Variants in SLC7A14 observed in about 807,000 individuals in gnomAD.
The protein encoded by SLC7A14 is gamma-aminobutyric acid transporter SLC7A14.
In SLC7A14, 37 loss-of-function variants were observed where a neutral mutation model predicts 60.2. The observed-to-expected ratio is 0.61, with a 90% CI of 0.47 to 0.81. The LOEUF (loss-of-function observed/expected upper bound fraction) is 0.81, where lower values mean the gene tolerates loss of function less well. SLC7A14 is among the 30% of genes least tolerant of loss of function. SLC7A14 has a pLI of 0.00. For missense variants in SLC7A14, 886 were observed against 982.7 expected (o/e 0.90, Z 1.32); for synonymous variants, 399 against 395.8 (o/e 1.01, Z -0.10).
chr3:170,546,473 T>C lies in SLC7A14; in HGVS notation c.-152-19385A>G, dbSNP rs147173525. Among the ~76,000 whole-genome samples the C allele has an allele frequency of 2.4e-3, 368 of 152,326 alleles. 2 individuals carry two copies. Among genetic ancestry groups the C allele is most frequent in the Middle Eastern group, 0.01 (3 of 294 alleles). ...GTACTTAAACTATCCAGAACCTTGA[T>C]ATAGTGTTTCCATTTCCACTGACTT... is the stretch of plus-strand genomic sequence containing the variant. On this transcript the variant is annotated intron_variant, in intron 1 of 7. Coordinates refer to ENST00000231706, the MANE Select transcript of SLC7A14 (RefSeq NM_020949.3).
chr3:170,506,459 G>A (rs1256928030), intron 2 of SLC7A14, among the ~76,000 whole-genome samples: 1 of 152,158 alleles, frequency 6.6e-6, no homozygotes, highest in Non-Finnish European at 1.5e-5. Context: ...AAGGTACCGG[G>A]AGATTCTCGA....
At position 170,535,705 on chromosome 3, in the gene SLC7A14, G is replaced by C. The variant is rs970661071; in HGVS notation, c.-152-8617C>G. On this transcript the variant is annotated intron_variant, in intron 1 of 7. Coordinates refer to ENST00000231706, the MANE Select transcript of SLC7A14 (RefSeq NM_020949.3). This position sits in a 1 kb window ranked among gnomAD's most constrained non-coding sequence, Gnocchi z 4.3. ...AGCTTCCCTTTGCCAGGTCACTGTG[G>C]GTTGGCTGTGGCTCCAGCCAGGTGG... Among the ~76,000 whole-genome samples the C allele has an allele frequency of 6.6e-6, 1 of 152,152 alleles. No homozygotes were observed. The highest frequency in any genetic ancestry group is 1.9e-4 in the East Asian group (1 of 5,176).
In SLC7A14 at chr3:170,555,925, GACA is replaced by G. The variant is rs558886704; in HGVS notation, c.-152-28840_-152-28838del. On this transcript the variant is annotated intron_variant, in intron 1 of 7. Transcript: ENST00000231706. Reference sequence around the variant, plus strand: ...AGTGAACTTGTTTGCATGTAAATCTGACAACATCTTTGATGTTTGCTTAGAAGA... The same window carrying G: ...AGTGAACTTGTTTGCATGTAAATCTGACATCTTTGATGTTTGCTTAGAAGA... Among the ~76,000 whole-genome samples the G allele has an allele frequency of 3.0e-3, 450 of 152,242 alleles. 4 individuals carry two copies. Among genetic ancestry groups the G allele is most frequent in the African/African-American group, 0.01 (426 of 41,560 alleles).
Position 170,526,622 on chromosome 3 carries a change from G to T in SLC7A14, c.304+11C>A, listed in dbSNP as rs754398700. 6.2e-7 allele frequency: 1 copy of T among 1,612,514 alleles called. No homozygotes were observed. Among genetic ancestry groups the T allele is most frequent in the African/African-American group, 1.3e-5 (1 of 74,904 alleles). On this transcript the variant is annotated intron_variant, in intron 2 of 7. Coordinates refer to ENST00000231706, the MANE Select transcript of SLC7A14 (RefSeq NM_020949.3). ...ACTTTCCACAGTACTTCCCTGCATG[G>T]AGACACTTACCTGATAATATGGATG...
chr3:170,513,716 A>G (rs1713060033), intron 2 of SLC7A14, among the ~76,000 whole-genome samples: 1 of 152,190 alleles, frequency 6.6e-6, no homozygotes, highest in South Asian at 2.1e-4. Flanking sequence ...GGACAAATGC[A>G]TTCGTTGGGT....
At chr3:170,547,756 G>T (rs1244787217) in intron 1 of SLC7A14, among the ~76,000 whole-genome samples, 2 of 152,156 alleles carry the variant, frequency 1.3e-5, no homozygotes, top group Non-Finnish European at 2.9e-5. Flanking sequence ...AAAACCTAAT[G>T]TATCAGCGAT....
rs923030014 is a variant in SLC7A14, at chr3:170,535,006, A to T, written c.-152-7918T>A. ...GAGATTGGTTACTGAGCGTTGAGAC[A>T]CCACGTTTCTCCTTCGATGCCCCAG... On this transcript the variant is annotated intron_variant, in intron 1 of 7. Coordinates refer to ENST00000231706, the MANE Select transcript of SLC7A14 (RefSeq NM_020949.3). The surrounding 1 kb of genome is among the most constrained non-coding windows in gnomAD (Gnocchi z 4.3). Among the ~76,000 whole-genome samples the T allele has an allele frequency of 2.6e-5, 4 of 152,206 alleles. No individual in the cohort carries two copies. The highest frequency in any genetic ancestry group is 5.9e-5 in the Non-Finnish European group (4 of 68,036).
In SLC7A14 at chr3:170,480,984, G is replaced by C; in HGVS notation, c.1298C>G (p.Pro433Arg). 1 of 1,614,068 alleles carries C rather than the reference G, an allele frequency of 6.2e-7. No individual in the cohort carries two copies. Among genetic ancestry groups the C allele is most frequent in the Non-Finnish European group, 8.5e-7 (1 of 1,180,024 alleles). Residue 433 changes from proline (P) to arginine (R), a missense_variant, in exon 7 of 8, where the codon CCT (proline) becomes CGT (arginine). Pro to Arg is a moderately radical substitution (Grantham distance 103). Coordinates refer to ENST00000231706, the MANE Select transcript of SLC7A14 (RefSeq NM_020949.3). Reference sequence around the variant, plus strand: ...GACAAAACCATCAATGTCACTCTCAGGTTGGTATCGAAGGAGCAAGACACA... The same window carrying C: ...GACAAAACCATCAATGTCACTCTCACGTTGGTATCGAAGGAGCAAGACACA... ...SVCVLLLRYQ[P>R]ESDIDGFVKF... is the part of the protein sequence containing the mutation.
rs75505938 is a variant in SLC7A14 at position 170,554,799 on chromosome 3, T to C, written c.-152-27711A>G. Among the ~76,000 whole-genome samples the C allele has an allele frequency of 1.3e-3, 193 of 152,350 alleles. 2 individuals are homozygous for C. Among genetic ancestry groups the C allele is most frequent in the Middle Eastern group, 6.8e-3 (2 of 294 alleles). On this transcript the variant is annotated intron_variant, in intron 1 of 7. Coordinates refer to ENST00000231706, the MANE Select transcript of SLC7A14 (RefSeq NM_020949.3). ...TTATTTGCCCTCATCTATTTTTCCT[T>C]ACTTATAGTCCCTTACTTGAAGATG... is the stretch of plus-strand genomic sequence containing the variant.
At chr3:170,563,712 C>T (rs376411745) in intron 1 of SLC7A14, among the ~76,000 whole-genome samples, 9 of 152,168 alleles carry the variant, frequency 5.9e-5, no homozygotes, top group South Asian at 4.1e-4. Flanking sequence ...TAAGCCACCG[C>T]GCCCGGCCCA....
intron 3 of SLC7A14, among the ~76,000 whole-genome samples, chr3:170,500,620 G>GA (rs957945706): frequency 2.0e-5 from 3 of 151,498 alleles, no homozygotes; most frequent in Non-Finnish European, 4.4e-5. Context: ...TTGAAATTTG[G>GA]AAAAAAAATC....
intron 7 of SLC7A14, among the ~76,000 whole-genome samples, chr3:170,476,443 C>T (rs1315899673): frequency 6.6e-6 from 1 of 152,182 alleles, no homozygotes; most frequent in Non-Finnish European, 1.5e-5. Context: ...CTGGCCAGCC[C>T]CACTCTGCAG....
intron 1 of SLC7A14, among the ~76,000 whole-genome samples, chr3:170,562,605 A>C (rs1577564739): frequency 6.6e-6 from 1 of 152,230 alleles, no homozygotes. Context: ...TTACTTGTGT[A>C]CTCATACCAC....
intron 1 of SLC7A14, among the ~76,000 whole-genome samples, chr3:170,562,934 T>A (rs1714693656): frequency 6.6e-6 from 1 of 152,076 alleles, no homozygotes; most frequent in Non-Finnish European, 1.5e-5. Flanking sequence ...CTAATTTTTG[T>A]ATTTTTTAGT....
At chr3:170,578,801 A>G (rs755609722) in intron 1 of SLC7A14, among the ~76,000 whole-genome samples, 5 of 152,344 alleles carry the variant, frequency 3.3e-5, no homozygotes, top group Admixed American at 2.6e-4. Context: ...TCATCGAACC[A>G]TAGAATGTTA....
intron 1 of SLC7A14, among the ~76,000 whole-genome samples, chr3:170,569,661 G>A (rs369547162): frequency 6.6e-6 from 1 of 152,114 alleles, no homozygotes; most frequent in Non-Finnish European, 1.5e-5. Flanking sequence ...TGGTTGGTAA[G>A]CTATTGATTA....
chr3:170,519,232 T>C (rs900337379), intron 2 of SLC7A14, among the ~76,000 whole-genome samples: 2 of 152,162 alleles, frequency 1.3e-5, no homozygotes, highest in Non-Finnish European at 2.9e-5. Flanking sequence ...CAATTTTATT[T>C]AAATATTGCA....
chr3:170,536,149 A>G (rs554134960), intron 1 of SLC7A14, among the ~76,000 whole-genome samples: 1 of 152,342 alleles, frequency 6.6e-6, no homozygotes, highest in East Asian at 1.9e-4. Context: ...GAGAAATAAT[A>G]GTTACCTTGT....
chr3:170,475,424 AGAAAAATCT>A (rs1446320921), intron 7 of SLC7A14, among the ~76,000 whole-genome samples: 1 of 152,256 alleles, frequency 6.6e-6, no homozygotes, highest in Non-Finnish European at 1.5e-5. Flanking sequence ...AGACAGATTA[AGAAAAATCT>A]GATATCTTGG....
Sources: gnomAD v4.1 joint callset for allele counts (sites outside exome capture counted in the v4.1 genomes callset) on GRCh38, gnomAD v4.1.1 for gene constraint, Gnocchi (gnomAD v3.1) non-coding constraint, MANE v1.5 for transcripts, NCBI Gene and HGNC (gene_info 2026-07-23, HGNC 2026-07-21) for gene names.